The following WWOX variants were observed in gnomAD, a reference collection of about 807,000 sequenced individuals.
WWOX encodes the protein WW domain containing oxidoreductase, also known as WW domain-containing oxidoreductase.
In WWOX, 69 loss-of-function variants were observed where a neutral mutation model predicts 46.2. That is an observed-to-expected ratio of 1.49 (90% CI 1.23 to 1.82). The LOEUF (loss-of-function observed/expected upper bound fraction) is 1.82. Among genes scored for constraint, WWOX ranks in the 40% most tolerant of loss-of-function variants. The probability of loss-of-function intolerance (pLI) is 0.00; values close to 1 mark genes in which losing one functional copy is unlikely to be tolerated. For missense variants in WWOX, 919 were observed against 542.6 expected (o/e 1.69, Z -6.89); for synonymous variants, 359 against 202.6 (o/e 1.77, Z -6.56).
chr16:78,863,069 C>T (rs1367218419), intron 8 of WWOX, among the ~76,000 whole-genome samples: 1 of 151,748 alleles, frequency 6.6e-6, no homozygotes, highest in Non-Finnish European at 1.5e-5. Flanking sequence ...AGCGATTCTC[C>T]TGCCTCAGCC....
intron 5 of WWOX, chr16:78,168,485 AG>A (rs2035048809): frequency 6.6e-6 from 1 of 152,016 alleles, no homozygotes; most frequent in South Asian, 2.1e-4. Flanking sequence ...ATGGCTCAGA[AG>A]GGTGAAGGAA....
chr16:78,308,925 C>A (rs1317517985), intron 5 of WWOX, among the ~76,000 whole-genome samples: 1 of 152,154 alleles, frequency 6.6e-6, no homozygotes, highest in African/African-American at 2.4e-5. Flanking sequence ...ACAGTCCTAT[C>A]TGTTGATCTC....
chr16:78,195,512 G>T (rs2036020211), intron 5 of WWOX, among the ~76,000 whole-genome samples: 1 of 151,906 alleles, frequency 6.6e-6, no homozygotes, highest in Middle Eastern at 3.2e-3. Context: ...ATGCAGGCTG[G>T]ACACATTAGT....
intron 8 of WWOX, among the ~76,000 whole-genome samples, chr16:79,039,710 A>T (rs1159261595): frequency 1.3e-5 from 2 of 152,176 alleles, no homozygotes; most frequent in African/African-American, 2.4e-5. Flanking sequence ...GAGCAGGGTG[A>T]TGCTAGATGG....
intron 8 of WWOX, among the ~76,000 whole-genome samples, chr16:78,557,536 C>G (rs1384771330): frequency 3.3e-5 from 5 of 152,082 alleles, no homozygotes; most frequent in African/African-American, 1.2e-4. Context: ...TTCACTTACA[C>G]GTTTTTGTCG....
At chr16:78,585,555 C>T (rs574094657) in intron 8 of WWOX, among the ~76,000 whole-genome samples, 8 of 152,258 alleles carry the variant, frequency 5.3e-5, no homozygotes, top group East Asian at 1.9e-4. Flanking sequence ...GTTTTCTCCT[C>T]GCTTCCACCT....
intron 5 of WWOX, among the ~76,000 whole-genome samples, chr16:78,266,532 A>G (rs1427101415): frequency 6.6e-6 from 1 of 152,162 alleles, no homozygotes; most frequent in Non-Finnish European, 1.5e-5. Context: ...AAGGCAGGAT[A>G]GCATAGGGTG....
chr16:78,548,208 A>T (rs1195174639), intron 8 of WWOX, among the ~76,000 whole-genome samples: 1 of 151,768 alleles, frequency 6.6e-6, no homozygotes, highest in Non-Finnish European at 1.5e-5. Context: ...GCAAACATTT[A>T]ATCCGTAGTA....
chr16:78,154,756 A>G (rs922444050), intron 4 of WWOX, among the ~76,000 whole-genome samples: 14 of 152,096 alleles, frequency 9.2e-5, no homozygotes, highest in Admixed American at 8.5e-4. Flanking sequence ...CACACTTGAC[A>G]TAGTAGGGTT....
At chr16:78,343,744 C>CTTTGG (rs2081053382) in intron 5 of WWOX, among the ~76,000 whole-genome samples, 1 of 120,734 alleles carries the variant, frequency 8.3e-6, no homozygotes, top group Non-Finnish European at 2.0e-5. Context: ...GGGAGATGAC[C>CTTTGG]TTTGGTTCCT....
intron 8 of WWOX, among the ~76,000 whole-genome samples, chr16:78,973,851 C>T (rs921565399): frequency 6.6e-6 from 1 of 152,196 alleles, no homozygotes; most frequent in African/African-American, 2.4e-5. Context: ...CCCCTGCTTC[C>T]CTTGGAAAAC....
intron 1 of WWOX, among the ~76,000 whole-genome samples, chr16:78,102,455 C>T (rs377327872): frequency 6.6e-6 from 1 of 152,198 alleles, no homozygotes; most frequent in African/African-American, 2.4e-5. Flanking sequence ...CTTGTGAATT[C>T]TGGAAGAATT....
intron 8 of WWOX, among the ~76,000 whole-genome samples, chr16:78,820,530 T>C (rs561454978): frequency 6.6e-6 from 1 of 152,130 alleles, no homozygotes; most frequent in East Asian, 1.9e-4. Flanking sequence ...ACTAAGAAAA[T>C]TTAGGTGGTT....
chr16:79,068,926 C>T (rs9925128), intron 8 of WWOX, among the ~76,000 whole-genome samples: 24,515 of 151,864 alleles, frequency 0.16, 2,418 homozygotes, highest in African/African-American at 0.27. Flanking sequence ...CTGATGCCCA[C>T]GCTTAACCGA....
At chr16:78,764,577 T>C (rs895016315) in intron 8 of WWOX, among the ~76,000 whole-genome samples, 1 of 138,292 alleles carries the variant, frequency 7.2e-6, no homozygotes. Context: ...TGTTACTCGC[T>C]CACATGTGCC....
At chr16:78,880,565 T>C (rs1466309749) in intron 8 of WWOX, among the ~76,000 whole-genome samples, 1 of 152,226 alleles carries the variant, frequency 6.6e-6, no homozygotes, top group Non-Finnish European at 1.5e-5. Context: ...TTGCATCATT[T>C]TGAAGGTAGA....
rs1044400846 is a variant in WWOX at position 78,184,603 on chromosome 16, C to G, written c.516+20314C>G. Among the ~76,000 whole-genome samples the G allele has an allele frequency of 2.6e-5, 4 of 151,998 alleles. 1 individual carries two copies. The highest frequency in any genetic ancestry group is 4.8e-5 in the African/African-American group (2 of 41,466). ...AAACATATGGCATGAATTTTCTGCTCTCATTACAGATGCTGAGAGAAGGCA... is the reference window on the plus strand; with the variant it reads ...AAACATATGGCATGAATTTTCTGCTGTCATTACAGATGCTGAGAGAAGGCA... On this transcript the variant is annotated intron_variant, in intron 5 of 8. Coordinates refer to ENST00000566780, the MANE Select transcript of WWOX (RefSeq NM_016373.4).
intron 8 of WWOX, among the ~76,000 whole-genome samples, chr16:79,080,338 A>G (rs966053079): frequency 6.6e-6 from 1 of 151,684 alleles, no homozygotes; most frequent in East Asian, 1.9e-4. Context: ...CGAATCAGCT[A>G]TTTGTATTCC....
At chr16:78,359,301 C>G (rs1365940236) in intron 5 of WWOX, among the ~76,000 whole-genome samples, 2 of 152,096 alleles carry the variant, frequency 1.3e-5, no homozygotes, top group Non-Finnish European at 2.9e-5. Flanking sequence ...AAGTTTTGAA[C>G]AAAAAGTTTT....
Sources: gnomAD v4.1 joint callset for allele counts (sites outside exome capture counted in the v4.1 genomes callset) on GRCh38, gnomAD v4.1.1 for gene constraint, MANE v1.5 for transcripts, NCBI Gene and HGNC (gene_info 2026-07-23, HGNC 2026-07-21) for gene names.